Variants in KCNAB2 observed in about 807,000 individuals in gnomAD.
The protein encoded by KCNAB2 is potassium voltage-gated channel subfamily A regulatory beta subunit 2.
A neutral mutation model predicts 63.6 loss-of-function variants in KCNAB2; 29 were observed. The ratio of observed to expected loss-of-function variants is 0.46; its 90% CI spans 0.34 to 0.62. KCNAB2 has a LOEUF of 0.62. KCNAB2 is among the 20% of genes least tolerant of loss of function. The pLI is 0.01. For synonymous variants in KCNAB2, 222 were observed against 224.2 expected, an observed-to-expected ratio of 0.99 and a Z score of 0.09; for missense variants, 359 against 563.9, an observed-to-expected ratio of 0.64 and a Z score of 3.68.
chr1:6,087,755 C>T lies in KCNAB2; in HGVS notation c.470+244C>T, dbSNP rs1412034945. On this transcript the variant is annotated intron_variant, in intron 7 of 15. Transcript: ENST00000378083. The surrounding 1 kb of genome is among the most constrained non-coding windows in gnomAD (Gnocchi z 6.4). ...CCTGGTGCCTGTCCCTGTTAAGGGA[C>T]GTCAAATCCAGAAAAGAAGCTGTGG... Among the ~76,000 whole-genome samples, 1 of 152,214 alleles carries T rather than the reference C, an allele frequency of 6.6e-6. No individual in the cohort carries two copies. Among genetic ancestry groups the T allele is most frequent in the South Asian group, 2.1e-4 (1 of 4,832 alleles).
chr1:6,072,809 G>C lies in KCNAB2; in HGVS notation c.262+11G>C, dbSNP rs1663320045. The stretch of plus-strand genomic sequence containing the variant: ...CCTGCCTGGGACTTGGTGAGTGTGG[G>C]GGTCCCCTCCGTCCCACCAGGGAAA... On this transcript the variant is annotated intron_variant, in intron 3 of 15. Transcript: ENST00000378083. 1 of 1,613,500 alleles carries C rather than the reference G, an allele frequency of 6.2e-7. No individual in the cohort carries two copies. Among genetic ancestry groups the C allele is most frequent in the Non-Finnish European group, 8.5e-7 (1 of 1,179,578 alleles).
Position 5,994,045 on chromosome 1 carries a change from G to C in KCNAB2, c.-53+1257G>C, listed in dbSNP as rs953330207. ...CATAAGTAATAGCTCTTGGGGAAGT[G>C]GGCTATTAGCATTTATGGAAATTAA... On this transcript the variant is annotated intron_variant, in intron 1 of 16. Transcript: ENST00000341524. The surrounding 1 kb of genome is among the most constrained non-coding windows in gnomAD (Gnocchi z 5.4). Among the ~76,000 whole-genome samples the C allele has an allele frequency of 1.3e-5, 2 of 152,184 alleles. No individual in the cohort carries two copies. Among genetic ancestry groups the C allele is most frequent in the African/African-American group, 2.4e-5 (1 of 41,440 alleles).
At chr1:6,033,241 G>C (rs1346009441), upstream of KCNAB2, among the ~76,000 whole-genome samples, 1 of 150,900 alleles carries the variant, frequency 6.6e-6, no homozygotes, top group Non-Finnish European at 1.5e-5. Flanking sequence ...GTGCATGTGG[G>C]TGTGCGTGTA....
In KCNAB2 at chr1:6,078,419, G is replaced by A. The variant is rs762470697; in HGVS notation, c.301-3776G>A. Among the ~76,000 whole-genome samples, 2 of 149,270 alleles carry A rather than the reference G, an allele frequency of 1.3e-5. No individual in the cohort carries two copies. Among genetic ancestry groups the A allele is most frequent in the East Asian group, 3.9e-4 (2 of 5,132 alleles). On this transcript the variant is annotated intron_variant, in intron 4 of 15. Transcript: ENST00000378083. This position sits in a 1 kb window ranked among gnomAD's most constrained non-coding sequence, Gnocchi z 4.2. ...GAACCATTATTTAGTTGACTGCAGA[G>A]AAGAAAGTAGAAAAAGGAGGGCAGG...
intron 5 of KCNAB2, among the ~76,000 whole-genome samples, 194 bp downstream of exon 5, chr1:6,082,468 A>T (rs1243154406): frequency 6.6e-6 from 1 of 152,110 alleles, no homozygotes; most frequent in Non-Finnish European, 1.5e-5. Context: ...TTGGACACTG[A>T]TCACTTGCTG....
rs751980252 is a variant in KCNAB2 at position 6,097,265 on chromosome 1, A to G, written c.1070-4A>G. 2 of 1,541,588 alleles carry G rather than the reference A, an allele frequency of 1.3e-6. No homozygotes were observed. The highest frequency in any genetic ancestry group is 1.2e-5 in the South Asian group (1 of 83,242). ...CTCCCTCACCTTGGGTCTCGCCGCCACAGCCTGGTGCCTGAGGAATGAGGG... is the reference window on the plus strand; with the variant it reads ...CTCCCTCACCTTGGGTCTCGCCGCCGCAGCCTGGTGCCTGAGGAATGAGGG... On this transcript the variant is annotated splice_region_variant and splice_polypyrimidine_tract_variant and intron_variant, in intron 14 of 15. Transcript: ENST00000378083.
chr1:6,088,891 C>T, intron 7 of KCNAB2, 117 bp from the exon 8 acceptor site: 1 of 977,434 alleles, frequency 1.0e-6, no homozygotes. Context: ...AATCCGACTC[C>T]ACACGGCATT....
intron 9 of KCNAB2, among the ~76,000 whole-genome samples, 155 bp from the exon 10 acceptor site, chr1:6,091,108 C>T (rs1237308997): frequency 6.6e-6 from 1 of 152,208 alleles, no homozygotes; most frequent in South Asian, 2.1e-4. Context: ...ATATACAGCA[C>T]GCACGTGCGT....
At chr1:6,092,689 A>G (rs1479896199) in intron 10 of KCNAB2, among the ~76,000 whole-genome samples, 1 of 152,172 alleles carries the variant, frequency 6.6e-6, no homozygotes, top group African/African-American at 2.4e-5. Flanking sequence ...AACTTTCCCA[A>G]CCAGGCACTT....
chr1:6,085,924 G>A (rs1427971136), intron 6 of KCNAB2: 3 of 985,526 alleles, frequency 3.0e-6, no homozygotes, highest in Non-Finnish European at 3.6e-6. Context: ...ACAGACCGGG[G>A]AGCGGTCCCC....
upstream of KCNAB2, among the ~76,000 whole-genome samples, chr1:6,045,065 GGCCTTCGCAGCTA>G (rs1252404545): frequency 6.6e-6 from 1 of 152,118 alleles, no homozygotes; most frequent in African/African-American, 2.4e-5. The surrounding 1 kb of genome is among the most constrained non-coding windows in gnomAD (Gnocchi z 4.8). Flanking sequence ...CAATTGCCAA[GGCCTTCGCAGCTA>G]GTCACCCGCA....
Position 6,051,528 on chromosome 1 carries a change from G to A in KCNAB2, c.-9G>A. On this transcript the variant is annotated 5_prime_UTR_variant, in exon 2 of 16. Coordinates refer to ENST00000378083, the MANE Select transcript of KCNAB2 (RefSeq NM_001199862.2). ...CTGGACAGTGGCAGCTCCCAAGCCAGGCGGCACCATGCTGTCCATGACGTA... is the reference window on the plus strand; with the variant it reads ...CTGGACAGTGGCAGCTCCCAAGCCAAGCGGCACCATGCTGTCCATGACGTA... 1 of 1,510,676 alleles carries A rather than the reference G, an allele frequency of 6.6e-7. No individual in the cohort carries two copies. The highest frequency in any genetic ancestry group is 1.2e-5 in the South Asian group (1 of 81,772). The allele number at this position is 1,510,676 out of a possible 1,614,324, so 93.6% of individuals were successfully genotyped here. A position where few individuals can be genotyped will look rare whatever the true frequency, so the allele number is the denominator to read the frequency against.
chr1:6,091,116 C>T (rs1051162296), intron 9 of KCNAB2, 147 bp from the exon 10 acceptor site: 20 of 686,758 alleles, frequency 2.9e-5, no homozygotes, highest in African/African-American at 2.6e-4. Context: ...CACGCACGTG[C>T]GTGTGTTGAT....
At chr1:6,014,355 C>G (rs1658363473) in intron 1 of KCNAB2, among the ~76,000 whole-genome samples, 1 of 152,250 alleles carries the variant, frequency 6.6e-6, no homozygotes, top group Non-Finnish European at 1.5e-5. Context: ...AAGCCCAGGG[C>G]TGAAGCCAGA....
chr1:6,063,470 C>T (rs145283607), intron 2 of KCNAB2, among the ~76,000 whole-genome samples: 1,769 of 148,918 alleles, frequency 0.012, 20 homozygotes, highest in Middle Eastern at 0.087. Flanking sequence ...AGTGCAGTGG[C>T]ATGATCTCAG....
rs890307918 is a variant in KCNAB2 at position 6,078,590 on chromosome 1, G to GGGA, written c.301-3604_301-3602dup. Among the ~76,000 whole-genome samples the GGGA allele has an allele frequency of 1.1e-4, 16 of 152,288 alleles. No homozygotes were observed. The highest frequency in any genetic ancestry group is 1.9e-4 in the Non-Finnish European group (13 of 68,028). On this transcript the variant is annotated intron_variant, in intron 4 of 15. Coordinates refer to ENST00000378083, the MANE Select transcript of KCNAB2 (RefSeq NM_001199862.2). This position sits in a 1 kb window ranked among gnomAD's most constrained non-coding sequence, Gnocchi z 4.2. ...GAGTGTTGGGGAGAAGGGGATGCAG[G>GGGA]GGATAGAGCTGGGGGTCAGGGTGCA...
intron 2 of KCNAB2, among the ~76,000 whole-genome samples, chr1:6,056,952 G>A (rs112916593): frequency 2.0e-5 from 3 of 152,012 alleles, no homozygotes; most frequent in African/African-American, 7.2e-5. Context: ...CCTCCATCTC[G>A]GTTGCCTTGC....
chr1:6,047,491 G>T (rs998183126), intron 1 of KCNAB2, among the ~76,000 whole-genome samples: 1 of 152,146 alleles, frequency 6.6e-6, no homozygotes, highest in Non-Finnish European at 1.5e-5. Flanking sequence ...GGGAGCCCCC[G>T]CTGTACAGAG....
chr1:6,096,691 C>T lies in KCNAB2; in HGVS notation c.1004C>T (p.Ala335Val). The T allele has an allele frequency of 6.2e-7, 1 of 1,607,036 alleles. No homozygotes were observed. The highest frequency in any genetic ancestry group is 8.5e-7 in the Non-Finnish European group (1 of 1,177,934). The change falls in exon 14 of 16, where the codon GCC becomes GTC. Residue 335 changes from alanine (A) to valine (V), a missense_variant. Physicochemically the swap from Ala to Val is moderately conservative, Grantham distance 64 (BLOSUM62 0). Coordinates refer to ENST00000378083, the MANE Select transcript of KCNAB2 (RefSeq NM_001199862.2). The surrounding 1 kb of genome is among the most constrained non-coding windows in gnomAD (Gnocchi z 5.9). ...AGTGAGGAGGGCCGGCGCCAGCAAG[C>T]CAAGCTGAAGGAGCTGCAGGCCATC... ...ILSEEGRRQQ[A>V]KLKELQAIAE...
Sources: gnomAD v4.1 joint callset for allele counts (sites outside exome capture counted in the v4.1 genomes callset) on GRCh38, gnomAD v4.1.1 for gene constraint, Gnocchi (gnomAD v3.1) non-coding constraint, MANE v1.5 for transcripts, NCBI Gene and HGNC (gene_info 2026-07-23, HGNC 2026-07-21) for gene names.